The following GPC5 variants were observed in gnomAD, a reference collection of about 807,000 sequenced individuals.
GPC5 encodes the protein glypican 5, also known as glypican-5.
GPC5 carries 47 observed loss-of-function variants against 53.9 expected under a neutral mutation model. That is an observed-to-expected ratio of 0.87 (90% CI 0.69 to 1.11). The LOEUF is 1.11. Among genes scored for constraint, GPC5 ranks in the 50% most tolerant of loss-of-function variants. The pLI is 0.00. For missense variants in GPC5, 748 were observed against 713.1 expected (o/e 1.05, Z -0.56); for synonymous variants, 286 against 263.3 (o/e 1.09, Z -0.84).
In GPC5 at chr13:91,674,422, CAT is replaced by C. The variant is rs1371536211; in HGVS notation, c.326-18757_326-18756del. ...ACACATATATATATATACACACACA[CAT>C]ATATATACACATATATATATACACA... On this transcript the variant is annotated intron_variant, in intron 2 of 7. Coordinates refer to ENST00000377067, the MANE Select transcript of GPC5 (RefSeq NM_004466.6). Among the ~76,000 whole-genome samples, 584 of 147,436 alleles carry C rather than the reference CAT, an allele frequency of 4.0e-3. 13 individuals are homozygous for C. Among genetic ancestry groups the C allele is most frequent in the South Asian group, 0.027 (128 of 4,770 alleles).
At chr13:92,147,477 T>C (rs1430384227) in intron 7 of GPC5, among the ~76,000 whole-genome samples, 1 of 152,026 alleles carries the variant, frequency 6.6e-6, no homozygotes, top group Non-Finnish European at 1.5e-5. Flanking sequence ...AAGAACTTGT[T>C]ATATATTAGT....
At chr13:91,995,972 T>G (rs1048010714) in intron 6 of GPC5, 1 of 152,206 alleles carries the variant, frequency 6.6e-6, no homozygotes, top group Non-Finnish European at 1.5e-5. Context: ...CTTAGACAAG[T>G]GCATTACTAT....
At chr13:92,736,365 T>C (rs1308089642) in intron 7 of GPC5, among the ~76,000 whole-genome samples, 2 of 152,118 alleles carry the variant, frequency 1.3e-5, no homozygotes, top group East Asian at 1.9e-4. Flanking sequence ...AGAGTTCTCT[T>C]TTATTGTAGC....
intron 7 of GPC5, among the ~76,000 whole-genome samples, chr13:92,492,832 T>A (rs1879817929): frequency 6.6e-6 from 1 of 152,230 alleles, no homozygotes; most frequent in Non-Finnish European, 1.5e-5. Context: ...TCTCCAACTG[T>A]TGTCCAGTCA....
At chr13:92,534,146 T>A (rs1881649415) in intron 7 of GPC5, among the ~76,000 whole-genome samples, 2 of 152,004 alleles carry the variant, frequency 1.3e-5, no homozygotes, top group African/African-American at 4.8e-5. Flanking sequence ...AAAAAATAGC[T>A]GAGCAGAGTG....
chr13:92,079,838 C>T (rs9301777), intron 6 of GPC5, among the ~76,000 whole-genome samples: 9,388 of 152,218 alleles, frequency 0.062, 924 homozygotes, highest in African/African-American at 0.21. Flanking sequence ...ACCTGCCTCT[C>T]GCTTGCCTTT....
At chr13:92,008,309 G>A (rs2040628513) in intron 6 of GPC5, among the ~76,000 whole-genome samples, 1 of 151,948 alleles carries the variant, frequency 6.6e-6, no homozygotes. Flanking sequence ...TGATCCGCCC[G>A]CCTCGGCCTC....
intron 7 of GPC5, among the ~76,000 whole-genome samples, chr13:92,761,687 G>A (rs1224798371): frequency 6.6e-6 from 1 of 152,140 alleles, no homozygotes; most frequent in Non-Finnish European, 1.5e-5. Context: ...TATGTATTTT[G>A]ATGGTAGAAT....
chr13:91,437,622 T>G (rs1880084609), intron 1 of GPC5, among the ~76,000 whole-genome samples: 1 of 152,220 alleles, frequency 6.6e-6, no homozygotes. Context: ...TTGGTGAATC[T>G]GACAATTATG....
intron 2 of GPC5, among the ~76,000 whole-genome samples, chr13:91,588,504 C>G (rs1566531862): frequency 6.6e-6 from 1 of 152,034 alleles, no homozygotes; most frequent in Non-Finnish European, 1.5e-5. Context: ...GGAGATAATC[C>G]TAAACAATTT....
chr13:91,871,699 T>C (rs923450761), intron 5 of GPC5, among the ~76,000 whole-genome samples: 1 of 152,146 alleles, frequency 6.6e-6, no homozygotes, highest in African/African-American at 2.4e-5. Flanking sequence ...AATTAAGTTT[T>C]TTTTTTTCAG....
intron 7 of GPC5, among the ~76,000 whole-genome samples, chr13:92,152,593 G>C (rs1386395491): frequency 6.6e-6 from 1 of 152,100 alleles, no homozygotes; most frequent in Non-Finnish European, 1.5e-5. Context: ...CAAAAAATTA[G>C]CCGGGTGTCG....
chr13:92,518,415 T>C (rs1164046274), intron 7 of GPC5, among the ~76,000 whole-genome samples: 1 of 152,134 alleles, frequency 6.6e-6, no homozygotes, highest in Non-Finnish European at 1.5e-5. Flanking sequence ...CCCATCAGAC[T>C]AACAGCAGAT....
At chr13:92,007,864 C>T (rs2040621634) in intron 6 of GPC5, among the ~76,000 whole-genome samples, 1 of 152,038 alleles carries the variant, frequency 6.6e-6, no homozygotes, top group African/African-American at 2.4e-5. Flanking sequence ...GGCAACGTAT[C>T]CTAGTCTCCC....
intron 7 of GPC5, among the ~76,000 whole-genome samples, chr13:92,626,950 C>T (rs1026955858): frequency 6.6e-6 from 1 of 152,054 alleles, no homozygotes; most frequent in Admixed American, 6.5e-5. Context: ...CAAATAATAA[C>T]ATATTATGTT....
intron 2 of GPC5, among the ~76,000 whole-genome samples, chr13:91,647,070 CGTGTGTGTGTGTGTGTGTGTGT>C (rs66824666): frequency 1.1e-4 from 16 of 144,110 alleles, no homozygotes; most frequent in Admixed American, 6.2e-4. Context: ...TATATATATG[CGTGTGTGTGTGTGTGTGTGTGT>C]GTGTGTGTGT....
At chr13:92,383,002 C>CAAAAAAA (rs57654180) in intron 7 of GPC5, among the ~76,000 whole-genome samples, 1 of 94,794 alleles carries the variant, frequency 1.1e-5, no homozygotes, top group Non-Finnish European at 2.1e-5. Flanking sequence ...GACTCCGTCT[C>CAAAAAAA]AAAAAAAAAA....
In GPC5 at chr13:92,013,048, C is replaced by T. The variant is rs191000300; in HGVS notation, c.1401+104991C>T. Among the ~76,000 whole-genome samples the T allele has an allele frequency of 7.2e-5, 11 of 152,338 alleles. No homozygotes were observed. In the East Asian group the frequency reaches 7.7e-4, roughly 11 times the overall value. On this transcript the variant is annotated intron_variant, in intron 6 of 7. Coordinates refer to ENST00000377067, the MANE Select transcript of GPC5 (RefSeq NM_004466.6). Reference sequence around the variant, plus strand: ...CATGTCACATGCTGTCTTAGCTCTTCCATCTGCAGACAGCTGTGTGTTATC... The same window carrying T: ...CATGTCACATGCTGTCTTAGCTCTTTCATCTGCAGACAGCTGTGTGTTATC...
intron 7 of GPC5, among the ~76,000 whole-genome samples, chr13:92,381,857 G>T (rs1474019470): frequency 0.014 from 802 of 56,090 alleles, 11 homozygotes; most frequent in Non-Finnish European, 0.026. Flanking sequence ...GATCATATAT[G>T]ATTATATATA....
Sources: allele counts gnomAD v4.1 joint callset (sites outside exome capture counted in the v4.1 genomes callset), GRCh38; gene constraint gnomAD v4.1.1; transcripts MANE v1.5; gene names NCBI Gene and HGNC (gene_info 2026-07-23, HGNC 2026-07-21).